The following POT1 variants were observed in gnomAD, a reference collection of about 807,000 sequenced individuals.
POT1 encodes the protein protection of telomeres 1.
A neutral mutation model predicts 78.5 loss-of-function variants in POT1; 47 were observed. The ratio of observed to expected loss-of-function variants is 0.60; its 90% CI spans 0.47 to 0.76. POT1 has a LOEUF of 0.76. Among genes scored for constraint, POT1 ranks in the 30% least tolerant of loss-of-function variants. The probability of loss-of-function intolerance (pLI) is 0.00; values close to 1 mark genes in which losing one functional copy is unlikely to be tolerated. For synonymous variants in POT1, 259 were observed against 260.7 expected (o/e 0.99, Z 0.06); for missense variants, 646 against 749.9 (o/e 0.86, Z 1.62).
chr7:124,892,010 T>G (rs1796383011), intron 6 of POT1, among the ~76,000 whole-genome samples: 1 of 151,632 alleles, frequency 6.6e-6, no homozygotes, highest in African/African-American at 2.4e-5. Context: ...AATTTTATAT[T>G]TTCATATGGT....
rs550056711 is a variant in POT1, at chr7:124,855,218, C to CAA, written c.703-2082_703-2081dup. On this transcript the variant is annotated intron_variant, in intron 9 of 18. Transcript: ENST00000357628. ...ACATATGGAGACACAGAGAGGAGAGCAAAAAAAAAAAAAAAAAAAAAAAAA... is the reference window on the plus strand; with the variant it reads ...ACATATGGAGACACAGAGAGGAGAGCAAAAAAAAAAAAAAAAAAAAAAAAAAA... Among the ~76,000 whole-genome samples the CAA allele has an allele frequency of 8.1e-3, 425 of 52,510 alleles. 17 individuals carry two copies. Among genetic ancestry groups the CAA allele is most frequent in the African/African-American group, 0.027 (350 of 12,780 alleles). 34.4% of individuals were successfully genotyped at this position (52,510 alleles called of 152,430 possible). A position where few individuals can be genotyped will look rare whatever the true frequency, so the allele number is the denominator to read the frequency against.
At chr7:124,897,122 G>T in intron 5 of POT1, 43 bp downstream of exon 5, 1 of 1,303,874 alleles carries the variant, frequency 7.7e-7, no homozygotes, top group South Asian at 1.4e-5. Context: ...GGCATATACA[G>T]GTATAGGTGT....
chr7:124,896,506 G>T (rs1796495125), intron 5 of POT1, among the ~76,000 whole-genome samples: 1 of 151,502 alleles, frequency 6.6e-6, no homozygotes, highest in African/African-American at 2.4e-5. Context: ...TTGTCAACCA[G>T]AAACAGTTCC....
chr7:124,906,558 C>G (rs141369698), intron 3 of POT1, among the ~76,000 whole-genome samples: 2 of 151,942 alleles, frequency 1.3e-5, no homozygotes, highest in Non-Finnish European at 2.9e-5. Context: ...TTAATGGGTG[C>G]AGCACACCAA....
At chr7:124,869,190 A>T (rs1054194336) in intron 7 of POT1, among the ~76,000 whole-genome samples, 3 of 152,084 alleles carry the variant, frequency 2.0e-5, no homozygotes, top group Admixed American at 6.6e-5. Flanking sequence ...ATCTCCAAAA[A>T]ATTTTCCAAA....
At chr7:124,886,656 G>C (rs535594541) in intron 6 of POT1, among the ~76,000 whole-genome samples, 2 of 151,988 alleles carry the variant, frequency 1.3e-5, no homozygotes, top group Non-Finnish European at 2.9e-5. Context: ...ATAAAAGATG[G>C]CTCATTACTA....
rs776266785 is a variant in POT1 at position 124,825,222 on chromosome 7, G to A, written c.1792+30C>T. The A allele has an allele frequency of 2.0e-5, 28 of 1,415,850 alleles. No homozygotes were observed. The South Asian group carries it at 2.9e-4, about 14-fold the overall frequency. The allele number at this position is 1,415,850 out of a possible 1,614,324, so 87.7% of individuals were successfully genotyped here. A position where few individuals can be genotyped will look rare whatever the true frequency, so the allele number is the denominator to read the frequency against. On this transcript the variant is annotated intron_variant, in intron 18 of 18. Coordinates refer to ENST00000357628, the MANE Select transcript of POT1 (RefSeq NM_015450.3). Reference sequence around the variant, plus strand: ...GTTAGTGCTATCTCAAGTAAAAGAAGTGTGGGATTGTTAAAATATTCTTGC... The same window carrying A: ...GTTAGTGCTATCTCAAGTAAAAGAAATGTGGGATTGTTAAAATATTCTTGC...
rs2116504855 is a variant in POT1, at chr7:124,853,053, A to G, written c.788T>C (p.Phe263Ser). The G allele has an allele frequency of 6.2e-7, 1 of 1,611,586 alleles. No individual in the cohort carries two copies. The highest frequency in any genetic ancestry group is 2.2e-5 in the East Asian group (1 of 44,834). Residue 263 changes from phenylalanine to serine, a missense_variant, in exon 10 of 19, where the codon TTT becomes TCT. Phe to Ser is a radical substitution (Grantham distance 155). This residue lies in a region of POT1 where 252 missense variants were observed against 341.4 expected (regional missense o/e 0.74). Transcript: ENST00000357628. ...SENQTMLSLE[F>S]HLHGGTSYGR... ...GTAACTGGTACCTCCATGAAGATGA[A>G]ACTCTAAACTTAACATTGTCTGATT...
chr7:124,871,713 A>T (rs1795874036), intron 6 of POT1, among the ~76,000 whole-genome samples: 1 of 148,198 alleles, frequency 6.7e-6, no homozygotes, highest in Non-Finnish European at 1.5e-5. Context: ...TAAAAACTGT[A>T]ATAGATCCTG....
intron 3 of POT1, among the ~76,000 whole-genome samples, chr7:124,910,024 A>G (rs1796854094): frequency 6.6e-6 from 1 of 151,896 alleles, no homozygotes; most frequent in African/African-American, 2.4e-5. Flanking sequence ...CTTGGTGAAA[A>G]ATATGCACAT....
chr7:124,865,704 T>TTAC (rs963953366), intron 7 of POT1, among the ~76,000 whole-genome samples: 9 of 150,604 alleles, frequency 6.0e-5, no homozygotes, highest in African/African-American at 1.7e-4. Flanking sequence ...TATTTATTAA[T>TTAC]TATTATTATT....
At chr7:124,834,219 C>G (rs1334335221) in intron 15 of POT1, among the ~76,000 whole-genome samples, 1 of 151,976 alleles carries the variant, frequency 6.6e-6, no homozygotes, top group Non-Finnish European at 1.5e-5. Context: ...TCTAAAACAC[C>G]AAAAGCAAAG....
chr7:124,898,418 G>A (rs1238021342), intron 3 of POT1, 44 bp from the exon 4 acceptor site: 1 of 151,604 alleles, frequency 6.6e-6, no homozygotes, highest in Non-Finnish European at 1.5e-5. Context: ...ACCAAAATAC[G>A]TATAATTTGG....
intron 3 of POT1, among the ~76,000 whole-genome samples, chr7:124,905,756 C>A (rs1796750228): frequency 1.3e-5 from 2 of 152,124 alleles, no homozygotes; most frequent in African/African-American, 4.8e-5. Flanking sequence ...GGGCTAATAT[C>A]CAGAATCTAC....
intron 6 of POT1, among the ~76,000 whole-genome samples, chr7:124,889,480 G>A (rs912721211): frequency 5.9e-5 from 9 of 152,124 alleles, no homozygotes; most frequent in South Asian, 4.1e-4. Flanking sequence ...GATCATCAAC[G>A]AAGGTGGCTA....
intron 6 of POT1, among the ~76,000 whole-genome samples, chr7:124,885,409 C>T (rs997856022): frequency 6.6e-6 from 1 of 151,432 alleles, no homozygotes; most frequent in African/African-American, 2.4e-5. Context: ...GCAGTCGAGG[C>T]TGAGGTGAGC....
At chr7:124,829,596 G>A (rs578186318) in intron 15 of POT1, among the ~76,000 whole-genome samples, 1 of 152,054 alleles carries the variant, frequency 6.6e-6, no homozygotes, top group African/African-American at 2.4e-5. Context: ...CAGGGTGCTC[G>A]GTTCCAGGTC....
chr7:124,897,698 T>C (rs915400992), intron 4 of POT1, among the ~76,000 whole-genome samples: 25 of 151,748 alleles, frequency 1.6e-4, no homozygotes, highest in African/African-American at 5.8e-4. Flanking sequence ...AATTTTAATA[T>C]CAAGCAGAGC....
At chr7:124,881,069 T>C (rs570094731) in intron 6 of POT1, among the ~76,000 whole-genome samples, 6 of 152,146 alleles carry the variant, frequency 3.9e-5, no homozygotes, top group East Asian at 1.9e-4. Flanking sequence ...TATACAGTCA[T>C]GTACTGCTTA....
Sources: allele counts gnomAD v4.1 joint callset (sites outside exome capture counted in the v4.1 genomes callset), GRCh38; gene constraint gnomAD v4.1.1; regional missense constraint gnomAD v4.1.1; transcripts MANE v1.5; gene names NCBI Gene and HGNC (gene_info 2026-07-23, HGNC 2026-07-21).